Variants in IL22RA2 observed in about 807,000 individuals in gnomAD.
The protein encoded by IL22RA2 is interleukin-22 receptor subunit alpha-2.
A neutral mutation model predicts 30.7 loss-of-function variants in IL22RA2; 39 were observed. That is an observed-to-expected ratio of 1.27 (90% CI 0.98 to 1.66). The LOEUF is 1.66. Ranked by LOEUF, IL22RA2 falls within the 40% of genes most tolerant of loss-of-function variation. IL22RA2 has a pLI of 0.00. For missense variants in IL22RA2, 315 were observed against 312.7 expected (o/e 1.01, Z -0.05); for synonymous variants, 103 against 105.0 (o/e 0.98, Z 0.11).
chr6:137,168,208 T>G (rs1778659125), intron 1 of IL22RA2, among the ~76,000 whole-genome samples: 1 of 152,118 alleles, frequency 6.6e-6, no homozygotes, highest in South Asian at 2.1e-4. Context: ...CTACTATGAG[T>G]GTACAGGGAC....
At chr6:137,147,663 A>T in intron 6 of IL22RA2, 59 bp downstream of exon 6, 3 of 1,326,104 alleles carry the variant, frequency 2.3e-6, no homozygotes, top group African/African-American at 3.0e-5. Context: ...TATGACCACA[A>T]TATTGGTTAA....
chr6:137,151,305 A>T (rs771330594), intron 5 of IL22RA2, among the ~76,000 whole-genome samples: 27 of 152,156 alleles, frequency 1.8e-4, no homozygotes, highest in Non-Finnish European at 3.4e-4. Flanking sequence ...TGTGCCAAGA[A>T]CTCTCAATGG....
intron 2 of IL22RA2, among the ~76,000 whole-genome samples, chr6:137,160,437 T>C (rs1778499236): frequency 6.6e-6 from 1 of 152,092 alleles, no homozygotes; most frequent in South Asian, 2.1e-4. Flanking sequence ...CAGCCAATGG[T>C]GAAGCTGATT....
chr6:137,160,659 T>C lies in IL22RA2; in HGVS notation c.61+1030A>G, dbSNP rs74299351. Among the ~76,000 whole-genome samples the C allele has an allele frequency of 2.1e-3, 319 of 152,372 alleles. 9 individuals are homozygous for C. The East Asian group carries it at 0.051, about 24-fold the overall frequency. On this transcript the variant is annotated intron_variant, in intron 2 of 6. Coordinates refer to ENST00000296980, the MANE Select transcript of IL22RA2 (RefSeq NM_052962.3). Reference sequence around the variant, plus strand: ...ATGAACATTAACTTATGTTAGGCACTATGTTCAAAGCTTTACAACTTACTT... The same window carrying C: ...ATGAACATTAACTTATGTTAGGCACCATGTTCAAAGCTTTACAACTTACTT...
chr6:137,162,453 C>G (rs1203832682), intron 1 of IL22RA2, among the ~76,000 whole-genome samples: 4 of 152,156 alleles, frequency 2.6e-5, no homozygotes, highest in African/African-American at 4.8e-5. Flanking sequence ...CACCCAGTTT[C>G]CAGTGAGCTG....
intron 5 of IL22RA2, 129 bp downstream of exon 5, chr6:137,154,812 G>T: frequency 2.7e-6 from 2 of 728,236 alleles, no homozygotes; most frequent in Non-Finnish European, 2.4e-6. Context: ...GAGTTGTTCT[G>T]ACAATTAGAC....
intron 1 of IL22RA2, among the ~76,000 whole-genome samples, chr6:137,162,738 A>C (rs920362484): frequency 6.6e-6 from 1 of 152,190 alleles, no homozygotes; most frequent in African/African-American, 2.4e-5. Context: ...AGTCCAAGGA[A>C]GCTGAGAGGT....
At chr6:137,165,259 T>C (rs1305183681) in intron 1 of IL22RA2, among the ~76,000 whole-genome samples, 2 of 152,190 alleles carry the variant, frequency 1.3e-5, no homozygotes, top group Admixed American at 6.5e-5. Context: ...CCGGTGAATT[T>C]TATGAGAGGC....
At chr6:137,171,602 C>A (rs1009534245) in intron 1 of IL22RA2, among the ~76,000 whole-genome samples, 1 of 152,182 alleles carries the variant, frequency 6.6e-6, no homozygotes, top group Non-Finnish European at 1.5e-5. Context: ...TGACCCAGCA[C>A]CTGTGAACAT....
intron 1 of IL22RA2, among the ~76,000 whole-genome samples, chr6:137,168,681 T>C (rs192038765): frequency 3.5e-4 from 54 of 152,196 alleles, no homozygotes; most frequent in Non-Finnish European, 4.3e-4. Flanking sequence ...GAAGATAGGG[T>C]ACACAACTGG....
intron 2 of IL22RA2, among the ~76,000 whole-genome samples, chr6:137,161,105 CTGT>C (rs1427646622): frequency 6.6e-6 from 1 of 152,194 alleles, no homozygotes; most frequent in African/African-American, 2.4e-5. Flanking sequence ...AAATTCTCAC[CTGT>C]TGTTTGTGGT....
At chr6:137,166,624 ACTC>A (rs1009514205) in intron 1 of IL22RA2, among the ~76,000 whole-genome samples, 24 of 152,038 alleles carry the variant, frequency 1.6e-4, no homozygotes, top group African/African-American at 5.8e-4. Flanking sequence ...CCCCCTAACT[ACTC>A]CTCTAATGAA....
chr6:137,160,218 CTCTG>C (rs1778495529), intron 2 of IL22RA2, among the ~76,000 whole-genome samples: 1 of 152,232 alleles, frequency 6.6e-6, no homozygotes, highest in Non-Finnish European at 1.5e-5. Flanking sequence ...CCCTTAATCT[CTCTG>C]TCTATGGATT....
rs1466873207 is a variant in IL22RA2 at position 137,156,864 on chromosome 6, G to T, written c.198-10C>A. 7 of 1,606,488 alleles carry T rather than the reference G, an allele frequency of 4.4e-6. No individual in the cohort carries two copies. The highest frequency in any genetic ancestry group is 6.0e-6 in the Non-Finnish European group (7 of 1,173,566). On this transcript the variant is annotated splice_polypyrimidine_tract_variant and intron_variant, in intron 3 of 6. Coordinates refer to ENST00000296980, the MANE Select transcript of IL22RA2 (RefSeq NM_052962.3). The stretch of plus-strand genomic sequence containing the variant: ...GCTGCATGAGAACATGCTAGAGAAG[G>T]TCAATGGGGAAAACAGATCGTGTGA...
At position 137,144,990 on chromosome 6, in the gene IL22RA2, T is replaced by C. The variant is rs1214678988; in HGVS notation, c.*634A>G. On this transcript the variant is annotated 3_prime_UTR_variant, in exon 7 of 7. Transcript: ENST00000296980. ...TTGATAGTTTTAATTCAGATATCAA[T>C]CCAGAAATCATAAGATTTTTTTCCC... is the stretch of plus-strand genomic sequence containing the variant. 6.6e-6 allele frequency: 1 copy of C among 151,928 alleles called. No individual in the cohort carries two copies. Among genetic ancestry groups the C allele is most frequent in the African/African-American group, 2.4e-5 (1 of 41,376 alleles). 9.4% of individuals were successfully genotyped at this position (151,928 alleles called of 1,614,324 possible).
At position 137,165,639 on chromosome 6, in the gene IL22RA2, A is replaced by G. The variant is rs9376261; in HGVS notation, c.-65-3825T>C. Reference sequence around the variant, plus strand: ...GCCAACTTAGGCTTAAGGGAGATCAATGTGTGAGATGCAAGCAGATGGGAC... The same window carrying G: ...GCCAACTTAGGCTTAAGGGAGATCAGTGTGTGAGATGCAAGCAGATGGGAC... On this transcript the variant is annotated intron_variant, in intron 1 of 6. Transcript: ENST00000296980. 0.014 allele frequency among the ~76,000 whole-genome samples: 2,096 copies of G among 152,266 alleles called. 171 individuals carry two copies. In the South Asian group the frequency reaches 0.24, roughly 17 times the overall value.
At chr6:137,150,355 A>G (rs1392433799) in intron 5 of IL22RA2, among the ~76,000 whole-genome samples, 2 of 152,214 alleles carry the variant, frequency 1.3e-5, no homozygotes, top group African/African-American at 4.8e-5. Context: ...GATTCTTCTC[A>G]CTATTGCATC....
intron 2 of IL22RA2, 48 bp from the exon 3 acceptor site, chr6:137,158,530 G>A (rs1286703318): frequency 6.3e-7 from 1 of 1,595,720 alleles, no homozygotes; most frequent in Non-Finnish European, 8.6e-7. Flanking sequence ...TTGGAGCACT[G>A]CTGTTCCCAG....
In IL22RA2 at chr6:137,145,090, TAATA is replaced by T. The variant is rs1262143650; in HGVS notation, c.*530_*533del. 3.3e-5 allele frequency: 5 copies of T among 151,102 alleles called. No homozygotes were observed. The highest frequency in any genetic ancestry group is 5.9e-5 in the Non-Finnish European group (4 of 67,742). 9.4% of individuals were successfully genotyped at this position (151,102 alleles called of 1,614,324 possible). A position where few individuals can be genotyped will look rare whatever the true frequency, so the allele number is the denominator to read the frequency against. On this transcript the variant is annotated 3_prime_UTR_variant, in exon 7 of 7. Coordinates refer to ENST00000296980, the MANE Select transcript of IL22RA2 (RefSeq NM_052962.3). Reference sequence around the variant, plus strand: ...TTCATTAAGTAGAAATATTTAATAATAATAAATATATAAAAAGTATATTCATATA... The same window carrying T: ...TTCATTAAGTAGAAATATTTAATAATAATATATAAAAAGTATATTCATATA...
Sources: allele counts gnomAD v4.1 joint callset (sites outside exome capture counted in the v4.1 genomes callset), GRCh38; gene constraint gnomAD v4.1.1; transcripts MANE v1.5; gene names NCBI Gene and HGNC (gene_info 2026-07-23, HGNC 2026-07-21).